Variants in NR1H3 observed in about 807,000 individuals in gnomAD.
NR1H3 encodes the protein oxysterols receptor LXR-alpha.
Under a neutral mutation model 48.1 loss-of-function variants are expected in NR1H3, and 19 were observed. The ratio of observed to expected loss-of-function variants is 0.40; its 90% CI spans 0.28 to 0.58. The LOEUF (loss-of-function observed/expected upper bound fraction) is 0.58. NR1H3 is among the 20% of genes least tolerant of loss of function. The pLI is 0.50. For synonymous variants in NR1H3, 232 were observed against 227.3 expected (o/e 1.02, Z -0.19); for missense variants, 486 against 595.9 (o/e 0.82, Z 1.92).
upstream of NR1H3, among the ~76,000 whole-genome samples, chr11:47,253,759 C>T (rs1359355501): frequency 6.6e-6 from 1 of 152,168 alleles, no homozygotes; most frequent in East Asian, 1.9e-4. Flanking sequence ...AGATATGTGA[C>T]TTGGTAGATC....
intron 2 of NR1H3, chr11:47,259,488 T>A: frequency 6.5e-7 from 1 of 1,546,190 alleles, no homozygotes; most frequent in Non-Finnish European, 8.7e-7. Flanking sequence ...GCTAGAGAGT[T>A]GGCCAGCTGA....
upstream of NR1H3, chr11:47,248,747 G>A (rs768479921): frequency 6.2e-7 from 1 of 1,608,660 alleles, no homozygotes; most frequent in South Asian, 1.1e-5. Context: ...AGAAGGAGCT[G>A]GAGGAGAGCC....
At chr11:47,248,837 A>T (rs771147340), upstream of NR1H3, 3 of 1,554,896 alleles carry the variant, frequency 1.9e-6, no homozygotes, top group African/African-American at 2.7e-5. Flanking sequence ...GCTGGGTGGC[A>T]CCTGCAAGCA....
intron 7 of NR1H3, among the ~76,000 whole-genome samples, chr11:47,263,572 A>T (rs1956141412): frequency 6.7e-6 from 1 of 148,220 alleles, no homozygotes; most frequent in African/African-American, 2.5e-5. Context: ...CACCACACAC[A>T]GCCTCCCCTA....
intron 1 of NR1H3, among the ~76,000 whole-genome samples, chr11:47,249,348 C>T (rs931455069): frequency 5.3e-5 from 8 of 152,172 alleles, no homozygotes; most frequent in African/African-American, 1.9e-4. Flanking sequence ...TTGCCCCAGT[C>T]TGGCCTACCG....
chr11:47,256,783 T>C (rs1449082947), upstream of NR1H3, among the ~76,000 whole-genome samples: 1 of 145,162 alleles, frequency 6.9e-6, no homozygotes, highest in Non-Finnish European at 1.5e-5. Context: ...CAGGCAGGAG[T>C]GCAGTGGCGC....
At chr11:47,267,123 ATGG>A (rs1956569276) in intron 7 of NR1H3, among the ~76,000 whole-genome samples, 1 of 151,986 alleles carries the variant, frequency 6.6e-6, no homozygotes, top group Non-Finnish European at 1.5e-5. Context: ...CCTGGGCAAC[ATGG>A]TGAAATCCTG....
chr11:47,248,349 G>A (rs1330761600), upstream of NR1H3: 5 of 1,258,380 alleles, frequency 4.0e-6, no homozygotes, highest in South Asian at 2.8e-5. Context: ...GCAAAGCCAA[G>A]GTACAGGTAG....
chr11:47,248,386 G>T, upstream of NR1H3: 2 of 1,478,198 alleles, frequency 1.4e-6, no homozygotes, highest in Non-Finnish European at 1.8e-6. Context: ...TGAAAGCAAC[G>T]TATGTGGTGG....
chr11:47,266,964 AAAT>A (rs1487443258), intron 7 of NR1H3, among the ~76,000 whole-genome samples: 1 of 152,118 alleles, frequency 6.6e-6, no homozygotes, highest in African/African-American at 2.4e-5. Flanking sequence ...TGATAAACAA[AAAT>A]AAGAGTTGCC....
chr11:47,268,637 C>G lies in NR1H3; in HGVS notation c.1285C>G (p.Arg429Gly). 5.0e-6 allele frequency: 8 copies of G among 1,614,214 alleles called. No individual in the cohort carries two copies. The highest frequency in any genetic ancestry group is 1.1e-5 in the South Asian group (1 of 91,084). Reference sequence around the variant, plus strand: ...CCACTCAGAGCAAGTGTTTGCACTGCGTCTGCAGGACAAAAAGCTCCCACC... The same window carrying G: ...CCACTCAGAGCAAGTGTTTGCACTGGGTCTGCAGGACAAAAAGCTCCCACC... Reference protein sequence around the residue: ...SVHSEQVFALRLQDKKLPPLL... With the variant: ...SVHSEQVFALGLQDKKLPPLL... The change falls in exon 10 of 10, where the codon CGT becomes GGT. Residue 429 changes from arginine (R) to glycine (G), a missense_variant. Physicochemically the swap from Arg to Gly is moderately radical, Grantham distance 125 (BLOSUM62 -2). Coordinates refer to ENST00000441012, the MANE Select transcript of NR1H3 (RefSeq NM_005693.4).
At chr11:47,255,348 C>T (rs760304863), upstream of NR1H3, among the ~76,000 whole-genome samples, 50 of 152,184 alleles carry the variant, frequency 3.3e-4, no homozygotes, top group Admixed American at 1.3e-4. Flanking sequence ...TTCCTCCCAG[C>T]GCTGCTCTAA....
At chr11:47,252,055 CAA>C (rs1322906904) in intron 1 of NR1H3, among the ~76,000 whole-genome samples, 3 of 63,390 alleles carry the variant, frequency 4.7e-5, no homozygotes, top group Admixed American at 1.8e-4. Context: ...ACTACAGGTG[CAA>C]AAAAAAAAAA....
At chr11:47,256,866 A>C (rs3758672), upstream of NR1H3, among the ~76,000 whole-genome samples, 7 of 150,456 alleles carry the variant, frequency 4.7e-5, no homozygotes, top group African/African-American at 1.7e-4. Flanking sequence ...GAGTAGCTGG[A>C]ACTACAGGCG....
chr11:47,248,910 G>T (rs541058086), upstream of NR1H3: 1 of 1,541,676 alleles, frequency 6.5e-7, no homozygotes, highest in South Asian at 1.2e-5. Flanking sequence ...CTTACTTAGG[G>T]ACCTGCTGGG....
chr11:47,254,316 G>C (rs1954902824), upstream of NR1H3, among the ~76,000 whole-genome samples: 1 of 152,210 alleles, frequency 6.6e-6, no homozygotes, highest in Non-Finnish European at 1.5e-5. Context: ...TGAGTCCTGA[G>C]TTTCTTGAAA....
intron 7 of NR1H3, among the ~76,000 whole-genome samples, chr11:47,266,900 C>T (rs1008601824): frequency 6.6e-6 from 1 of 151,972 alleles, no homozygotes; most frequent in African/African-American, 2.4e-5. Flanking sequence ...CTCGGCCTCC[C>T]AAAATACTGG....
intron 2 of NR1H3, 194 bp downstream of exon 2, chr11:47,259,453 C>T (rs1955587207): frequency 6.4e-7 from 1 of 1,551,432 alleles, no homozygotes; most frequent in Non-Finnish European, 8.7e-7. Context: ...GGCACCCGCC[C>T]AGTCCTCCCC....
upstream of NR1H3, among the ~76,000 whole-genome samples, chr11:47,255,336 C>G (rs1954978426): frequency 2.0e-5 from 3 of 152,210 alleles, no homozygotes; most frequent in South Asian, 6.2e-4. Context: ...ACTTACCCTC[C>G]TTTCCTCCCA....
Sources: allele counts gnomAD v4.1 joint callset (sites outside exome capture counted in the v4.1 genomes callset), GRCh38; gene constraint gnomAD v4.1.1; transcripts MANE v1.5; gene names NCBI Gene and HGNC (gene_info 2026-07-23, HGNC 2026-07-21).